Variants in CUL9 observed in about 807,000 individuals in gnomAD.
CUL9 encodes the protein cullin 9, also known as cullin-9.
Under a neutral mutation model 272.6 loss-of-function variants are expected in CUL9, and 79 were observed. That is an observed-to-expected ratio of 0.29 (90% CI 0.24 to 0.35). The LOEUF (loss-of-function observed/expected upper bound fraction) is 0.35. CUL9 is among the 10% of genes least tolerant of loss of function. The pLI is 1.00. For missense variants in CUL9, 2,532 were observed against 3,255.6 expected, an observed-to-expected ratio of 0.78 and a Z score of 5.41; for synonymous variants, 1,186 against 1,286.5, an observed-to-expected ratio of 0.92 and a Z score of 1.67.
rs150241912 is a variant in CUL9 at position 43,193,078 on chromosome 6, G to T, written c.2258G>T (p.Arg753Leu). The T allele has an allele frequency of 6.2e-7, 1 of 1,614,248 alleles. No individual in the cohort carries two copies. Among genetic ancestry groups the T allele is most frequent in the Non-Finnish European group, 8.5e-7 (1 of 1,180,036 alleles). The change falls in exon 9 of 41, where the codon CGC becomes CTC. Residue 753 changes from arginine (R) to leucine (L), a missense_variant. Around this residue, in one of 3 missense-constraint regions of CUL9, gnomAD observed 2,218 missense variants for 2,788.6 expected, o/e 0.80. Transcript: ENST00000252050. ...GEKMVVVQAL[R>L]LLYLLMTKHE... ...AAGATGGTGGTCGTGCAGGCCCTGC[G>T]CCTCCTTTACCTGCTCATGACCAAG...
intron 26 of CUL9, among the ~76,000 whole-genome samples, chr6:43,209,371 G>A (rs1018642853): frequency 6.7e-6 from 1 of 150,032 alleles, no homozygotes; most frequent in African/African-American, 2.5e-5. Context: ...GGATGGTCTC[G>A]ATCTCCTGAC....
chr6:43,211,055 AAAAG>A (rs1775440437), intron 26 of CUL9, among the ~76,000 whole-genome samples: 1 of 152,212 alleles, frequency 6.6e-6, no homozygotes, highest in African/African-American at 2.4e-5. Context: ...TCTGAACAAT[AAAAG>A]GACCTTAGAA....
At position 43,224,280 on chromosome 6, in the gene CUL9, AGAG is replaced by A. The variant is rs1245354111; in HGVS notation, c.7398_7400del (p.Glu2467del). On this transcript the variant is annotated inframe_deletion, in exon 41 of 41. Coordinates refer to ENST00000252050, the MANE Select transcript of CUL9 (RefSeq NM_015089.4). This position sits in a 1 kb window ranked among gnomAD's most constrained non-coding sequence, Gnocchi z 4.2. ...AGGCCTCCTCAGGGCCAGAGGCAGA[AGAG>A]GAGGAGGAAGACGATGAGGATGATG... is the stretch of plus-strand genomic sequence containing the variant. 10 of 1,614,208 alleles carry A rather than the reference AGAG, an allele frequency of 6.2e-6. No homozygotes were observed. The highest frequency in any genetic ancestry group is 2.2e-5 in the East Asian group (1 of 44,890).
chr6:43,192,351 A>T (rs559729461), intron 8 of CUL9, among the ~76,000 whole-genome samples: 1 of 152,036 alleles, frequency 6.6e-6, no homozygotes, highest in Non-Finnish European at 1.5e-5. Context: ...CCTGACTACC[A>T]CTATTTTTTT....
intron 31 of CUL9, among the ~76,000 whole-genome samples, chr6:43,219,063 C>T (rs6901391): frequency 0.087 from 13,193 of 152,110 alleles, 913 homozygotes; most frequent in East Asian, 0.39. Context: ...GTGGTGCACA[C>T]CTATAGTCCT....
Position 43,186,071 on chromosome 6 carries a change from C to A in CUL9, c.867C>A (p.Ala289=). The A allele has an allele frequency of 6.2e-7, 1 of 1,614,222 alleles. No homozygotes were observed. Among genetic ancestry groups the A allele is most frequent in the Non-Finnish European group, 8.5e-7 (1 of 1,180,042 alleles). ...CTGGAGACCAAAGCTCCCCATGTGCCACAAGAGAGAAAAGCCGGGGACAGC... is the reference window on the plus strand; with the variant it reads ...CTGGAGACCAAAGCTCCCCATGTGCAACAAGAGAGAAAAGCCGGGGACAGC... ...LGAGDQSSPC[A]TREKSRGQRE... is the part of the protein sequence containing the mutation. The change falls in exon 4 of 41, where the codon GCC becomes GCA. Residue 289 remains alanine, a synonymous_variant. Coordinates refer to ENST00000252050, the MANE Select transcript of CUL9 (RefSeq NM_015089.4).
chr6:43,194,937 C>T (rs1008562962), intron 9 of CUL9, among the ~76,000 whole-genome samples: 1 of 152,042 alleles, frequency 6.6e-6, no homozygotes, highest in African/African-American at 2.4e-5. Context: ...TGCTTGTAAT[C>T]CCAGCTACTT....
Position 43,222,913 on chromosome 6 carries a change from A to T in CUL9, c.7150+17A>T. On this transcript the variant is annotated intron_variant, in intron 38 of 40. Coordinates refer to ENST00000252050, the MANE Select transcript of CUL9 (RefSeq NM_015089.4). Reference sequence around the variant, plus strand: ...TCCTCCTGGGTGAGCCACCCCTGCCAGCCAGGCCCTCCTCCTGCCTCCTCC... The same window carrying T: ...TCCTCCTGGGTGAGCCACCCCTGCCTGCCAGGCCCTCCTCCTGCCTCCTCC... 4 of 1,605,168 alleles carry T rather than the reference A, an allele frequency of 2.5e-6. No homozygotes were observed. Among genetic ancestry groups the T allele is most frequent in the Non-Finnish European group, 3.4e-6 (4 of 1,172,998 alleles).
chr6:43,196,347 A>G, intron 10 of CUL9, 82 bp downstream of exon 10: 1 of 1,352,198 alleles, frequency 7.4e-7, no homozygotes, highest in East Asian at 2.3e-5. Flanking sequence ...CATGTACTCC[A>G]CAGAAATTCC....
Position 43,187,740 on chromosome 6 carries a change from A to C in CUL9, c.1609A>C (p.Ile537Leu). 1.2e-6 allele frequency: 2 copies of C among 1,612,772 alleles called. No individual in the cohort carries two copies. The highest frequency in any genetic ancestry group is 1.7e-6 in the Non-Finnish European group (2 of 1,179,904). Residue 537 changes from isoleucine (I) to leucine (L), a missense_variant, in exon 7 of 41, where the codon ATC becomes CTC. Physicochemically the swap from Ile to Leu is conservative, Grantham distance 5. Around this residue, in one of 3 missense-constraint regions of CUL9, gnomAD observed 2,218 missense variants for 2,788.6 expected, o/e 0.80. Coordinates refer to ENST00000252050, the MANE Select transcript of CUL9 (RefSeq NM_015089.4). ...ETLGEKALGEISVSVEMAESL... is the reference protein window; with the variant it reads ...ETLGEKALGELSVSVEMAESL... ...CCTGGGTGAAAAGGCCCTAGGTGAG[A>C]TCTCTGTGTCCGTGGAAATGGCCGA... is the stretch of plus-strand genomic sequence containing the variant.
chr6:43,188,659 T>A lies in CUL9; in HGVS notation c.2124T>A (p.Ala708=), dbSNP rs1554167292. The A allele has an allele frequency of 1.9e-6, 3 of 1,614,126 alleles. No individual in the cohort carries two copies. The highest frequency in any genetic ancestry group is 2.5e-6 in the Non-Finnish European group (3 of 1,180,018). ...QLSGLSALSQ[A]VEEVTERDHP... ...CAGGGCTCTCTGCCCTCTCTCAGGCTGTGGAGGAGGTCACTGAGCGGGACC... is the reference window on the plus strand; with the variant it reads ...CAGGGCTCTCTGCCCTCTCTCAGGCAGTGGAGGAGGTCACTGAGCGGGACC... Residue 708 remains alanine (A), a synonymous_variant, in exon 8 of 41, where the codon GCT becomes GCA. Coordinates refer to ENST00000252050, the MANE Select transcript of CUL9 (RefSeq NM_015089.4).
chr6:43,205,896 G>A, intron 24 of CUL9, 111 bp from the exon 25 acceptor site: 1 of 834,424 alleles, frequency 1.2e-6, no homozygotes, highest in Non-Finnish European at 1.9e-6. Context: ...GAAGAGGTGA[G>A]GTAGGGTATG....
Position 43,184,045 on chromosome 6 carries a change from G to T in CUL9, c.-9-257G>T, listed in dbSNP as rs565643811. Among the ~76,000 whole-genome samples, 151 of 152,116 alleles carry T rather than the reference G, an allele frequency of 9.9e-4. 1 individual carries two copies. The highest frequency in any genetic ancestry group is 3.5e-3 in the African/African-American group (147 of 41,492). ...GGATTACAGGCGTGAGCCACTGGGC[G>T]CAGCCAACTCTTCCATTTCTTAAAC... On this transcript the variant is annotated intron_variant, in intron 1 of 40. Transcript: ENST00000252050. This position sits in a 1 kb window ranked among gnomAD's most constrained non-coding sequence, Gnocchi z 4.8.
At position 43,220,543 on chromosome 6, in the gene CUL9, C is replaced by T. The variant is rs1199259399; in HGVS notation, c.6367C>T (p.Gln2123Ter). The T allele has an allele frequency of 1.9e-6, 3 of 1,614,024 alleles. No homozygotes were observed. The Admixed American group carries it at 5.0e-5, about 27-fold the overall frequency. The change falls in exon 32 of 41, where the codon CAG becomes TAG. Residue 2123 changes from glutamine (Q) to a stop codon, truncating the protein, a stop_gained. Transcript: ENST00000252050. LOFTEE classifies it high-confidence loss of function. This position sits in a 1 kb window ranked among gnomAD's most constrained non-coding sequence, Gnocchi z 4.9. Reference protein sequence around the residue: ...CTCPIADCPAQPTGAFIRAIV... With the variant: ...CTCPIADCPA The stretch of plus-strand genomic sequence containing the variant: ...CTGCCCCATTGCCGACTGCCCCGCC[C>T]AGCCCACCGGAGCCTTCATTCGTGC...
rs1776457108 is a variant in CUL9, at chr6:43,222,518, T to C, written c.6922-13T>C. The C allele has an allele frequency of 6.2e-7, 1 of 1,613,498 alleles. No individual in the cohort carries two copies. The highest frequency in any genetic ancestry group is 1.3e-5 in the African/African-American group (1 of 74,900). On this transcript the variant is annotated splice_polypyrimidine_tract_variant and intron_variant, in intron 36 of 40. Transcript: ENST00000252050. ...CCACCTGTGCTGGTACTGATACACC[T>C]TCCTCCACACAGGAGTTTGCTGTGA...
intron 1 of CUL9, among the ~76,000 whole-genome samples, chr6:43,183,105 C>T (rs1003680271): frequency 6.6e-6 from 1 of 152,192 alleles, no homozygotes; most frequent in African/African-American, 2.4e-5. Context: ...TAACTTGTTC[C>T]AAACTATGCA....
Position 43,206,732 on chromosome 6 carries a change from G to T in CUL9, c.5212+222G>T, listed in dbSNP as rs775141962. Among the ~76,000 whole-genome samples the T allele has an allele frequency of 1.3e-5, 2 of 152,108 alleles. No individual in the cohort carries two copies. Among genetic ancestry groups the T allele is most frequent in the Non-Finnish European group, 1.5e-5 (1 of 68,010 alleles). On this transcript the variant is annotated intron_variant, in intron 26 of 40. Coordinates refer to ENST00000252050, the MANE Select transcript of CUL9 (RefSeq NM_015089.4). This position sits in a 1 kb window ranked among gnomAD's most constrained non-coding sequence, Gnocchi z 4.8. ...TTTTCTTTTTCTAACTTCAAGTGAGGTGCTTATTTGATTTTTAGTCTTTTC... is the reference window on the plus strand; with the variant it reads ...TTTTCTTTTTCTAACTTCAAGTGAGTTGCTTATTTGATTTTTAGTCTTTTC...
At chr6:43,186,586 G>T (rs192115512) in intron 4 of CUL9, 131 bp downstream of exon 4, 2 of 1,343,232 alleles carry the variant, frequency 1.5e-6, no homozygotes, top group Non-Finnish European at 2.0e-6. Context: ...GATACAAGGG[G>T]GTTGGCATTT....
At position 43,184,850 on chromosome 6, in the gene CUL9, T is replaced by C. The variant is rs2150513568; in HGVS notation, c.540T>C (p.Pro180=). The change falls in exon 2 of 41, where the codon CCT becomes CCC. Residue 180 remains proline (P), a synonymous_variant. Coordinates refer to ENST00000252050, the MANE Select transcript of CUL9 (RefSeq NM_015089.4). This position sits in a 1 kb window ranked among gnomAD's most constrained non-coding sequence, Gnocchi z 4.8. ...TGCACATGTTATGCAATCCTGAGCC[T>C]CAGATCCGCCGGAGTGCAGGCAAAA... The part of the protein sequence containing the change: ...LLMHMLCNPE[P]QIRRSAGKML... 2 of 1,608,322 alleles carry C rather than the reference T, an allele frequency of 1.2e-6. No homozygotes were observed. Among genetic ancestry groups the C allele is most frequent in the East Asian group, 4.5e-5 (2 of 44,846 alleles).
Sources: gnomAD v4.1 joint callset for allele counts (sites outside exome capture counted in the v4.1 genomes callset) on GRCh38, gnomAD v4.1.1 for gene constraint, gnomAD v4.1.1 regional missense constraint, Gnocchi (gnomAD v3.1) non-coding constraint, MANE v1.5 for transcripts, NCBI Gene and HGNC (gene_info 2026-07-23, HGNC 2026-07-21) for gene names.